Variants in TACR1 observed in about 807,000 individuals in gnomAD.
The protein encoded by TACR1 is substance-P receptor.
Under a neutral mutation model 35.8 loss-of-function variants are expected in TACR1, and 25 were observed. The observed-to-expected ratio is 0.70, with a 90% confidence interval of 0.51 to 0.98. TACR1 has a LOEUF of 0.98. Ranked by LOEUF, TACR1 falls within the 50% of genes least tolerant of loss-of-function variation. TACR1 has a pLI of 0.00. For missense variants in TACR1, 478 were observed against 522.9 expected (o/e 0.91, Z 0.84); for synonymous variants, 195 against 206.7 (o/e 0.94, Z 0.48).
chr2:75,095,187 C>T (rs1673398210), intron 2 of TACR1, among the ~76,000 whole-genome samples: 1 of 152,128 alleles, frequency 6.6e-6, no homozygotes, highest in Non-Finnish European at 1.5e-5. Flanking sequence ...TTGAGTCACC[C>T]TGGCTGAGGA....
chr2:75,190,352 G>A (rs904187129), intron 1 of TACR1, among the ~76,000 whole-genome samples: 1 of 152,168 alleles, frequency 6.6e-6, no homozygotes, highest in Non-Finnish European at 1.5e-5. Context: ...ATGGACTACT[G>A]GTAGACTGTG....
chr2:75,107,298 C>G (rs1050167352), intron 2 of TACR1, among the ~76,000 whole-genome samples: 12 of 151,960 alleles, frequency 7.9e-5, no homozygotes, highest in Non-Finnish European at 1.5e-4. Flanking sequence ...AGGTATCACT[C>G]TCACTCTATG....
chr2:75,165,512 G>T (rs1335550491), intron 1 of TACR1, among the ~76,000 whole-genome samples: 2 of 152,008 alleles, frequency 1.3e-5, no homozygotes, highest in Non-Finnish European at 2.9e-5. Context: ...GTTTCACCTT[G>T]TTAGGCAGGA....
At chr2:75,111,887 C>T (rs1326245592) in intron 2 of TACR1, among the ~76,000 whole-genome samples, 2 of 151,714 alleles carry the variant, frequency 1.3e-5, no homozygotes, top group Non-Finnish European at 3.0e-5. Flanking sequence ...AAACCTTTTC[C>T]TAATTACTTT....
At chr2:75,161,005 A>G (rs1039863675) in intron 1 of TACR1, among the ~76,000 whole-genome samples, 50 of 152,038 alleles carry the variant, frequency 3.3e-4, no homozygotes, top group African/African-American at 1.0e-3. Flanking sequence ...TAACAGAGCC[A>G]CATTTACAAA....
At chr2:75,094,775 T>C (rs1673380420) in intron 2 of TACR1, among the ~76,000 whole-genome samples, 1 of 149,632 alleles carries the variant, frequency 6.7e-6, no homozygotes, top group Admixed American at 6.7e-5. Context: ...CGTTCAAGGA[T>C]GGGCAAGAAT....
chr2:75,095,142 G>A (rs1256590357), intron 2 of TACR1, among the ~76,000 whole-genome samples: 1 of 152,040 alleles, frequency 6.6e-6, no homozygotes, highest in Non-Finnish European at 1.5e-5. Context: ...TACATGGTAA[G>A]CTTTCTGAAA....
chr2:75,069,322 A>G (rs1457556663), intron 2 of TACR1, among the ~76,000 whole-genome samples: 1 of 151,326 alleles, frequency 6.6e-6, no homozygotes, highest in Non-Finnish European at 1.5e-5. Flanking sequence ...ATGTATATCT[A>G]TATCTATATA....
chr2:75,154,526 A>ACACACACACACACACACACACACT (rs1379600710), intron 1 of TACR1: 3 of 117,142 alleles, frequency 2.6e-5, no homozygotes, highest in African/African-American at 1.3e-4. Context: ...ACACACACAC[A>ACACACACACACACACACACACACT]CTCTCTGAAG....
intron 2 of TACR1, among the ~76,000 whole-genome samples, chr2:75,103,791 A>C (rs1376858333): frequency 6.6e-6 from 1 of 152,150 alleles, no homozygotes; most frequent in Non-Finnish European, 1.5e-5. Context: ...TCTGACAAAG[A>C]TGGTGGAGTA....
intron 1 of TACR1, among the ~76,000 whole-genome samples, chr2:75,175,413 C>T (rs570794700): frequency 3.9e-5 from 6 of 152,254 alleles, no homozygotes; most frequent in South Asian, 2.1e-4. Flanking sequence ...CTGCTCAAAA[C>T]GACACAAATT....
chr2:75,155,523 C>A (rs1221431197), intron 1 of TACR1, among the ~76,000 whole-genome samples: 2 of 152,136 alleles, frequency 1.3e-5, no homozygotes, highest in Non-Finnish European at 2.9e-5. Context: ...CTCTTCTGGT[C>A]CAGCTCACCT....
chr2:75,104,677 A>G lies in TACR1; in HGVS notation c.584+15897T>C, dbSNP rs148202545. Among the ~76,000 whole-genome samples, 742 of 152,238 alleles carry G rather than the reference A, an allele frequency of 4.9e-3. 3 individuals are homozygous for G. The highest frequency in any genetic ancestry group is 0.016 in the African/African-American group (667 of 41,566). On this transcript the variant is annotated intron_variant, in intron 2 of 4. Coordinates refer to ENST00000305249, the MANE Select transcript of TACR1 (RefSeq NM_001058.4). Reference sequence around the variant, plus strand: ...TATTAAATTTAAGAAGACTGAAATCATATCAAGTATCTTTTTTGACCACAG... The same window carrying G: ...TATTAAATTTAAGAAGACTGAAATCGTATCAAGTATCTTTTTTGACCACAG...
intron 1 of TACR1, among the ~76,000 whole-genome samples, chr2:75,177,384 C>G (rs934350446): frequency 2.0e-5 from 3 of 152,160 alleles, no homozygotes; most frequent in African/African-American, 7.2e-5. Context: ...TCCTCACTTC[C>G]AATATAGTTT....
chr2:75,122,688 A>T (rs965654053), intron 1 of TACR1, among the ~76,000 whole-genome samples: 1 of 152,176 alleles, frequency 6.6e-6, no homozygotes, highest in Non-Finnish European at 1.5e-5. Context: ...TCTCTGGGCA[A>T]GTTTCCCTGG....
At chr2:75,092,806 A>G (rs1673336522) in intron 2 of TACR1, among the ~76,000 whole-genome samples, 1 of 152,196 alleles carries the variant, frequency 6.6e-6, no homozygotes, top group African/African-American at 2.4e-5. Context: ...CCAGAAGATC[A>G]GAACCCTACT....
At chr2:75,162,977 T>G (rs1323046215) in intron 1 of TACR1, among the ~76,000 whole-genome samples, 1 of 152,220 alleles carries the variant, frequency 6.6e-6, no homozygotes, top group East Asian at 1.9e-4. Flanking sequence ...CCCAGTCCGT[T>G]TGCAACTAGG....
chr2:75,088,858 A>C (rs1673239123), intron 2 of TACR1, among the ~76,000 whole-genome samples: 1 of 151,770 alleles, frequency 6.6e-6, no homozygotes, highest in Non-Finnish European at 1.5e-5. Context: ...CCTTCTCTCT[A>C]ATTTCACATC....
chr2:75,140,052 A>G (rs1407052750), intron 1 of TACR1, among the ~76,000 whole-genome samples: 1 of 152,216 alleles, frequency 6.6e-6, no homozygotes, highest in Non-Finnish European at 1.5e-5. Context: ...GCCTCATCAT[A>G]TGAAGCAGTC....
Sources: gnomAD v4.1 joint callset for allele counts (sites outside exome capture counted in the v4.1 genomes callset) on GRCh38, gnomAD v4.1.1 for gene constraint, MANE v1.5 for transcripts, NCBI Gene and HGNC (gene_info 2026-07-23, HGNC 2026-07-21) for gene names.